PCTP: variants seen among roughly 807,000 people sequenced by gnomAD.
The protein encoded by PCTP is START domain-containing protein 2.
Under a neutral mutation model 31.0 loss-of-function variants are expected in PCTP, and 27 were observed. The ratio of observed to expected loss-of-function variants is 0.87; its 90% CI spans 0.64 to 1.20. PCTP has a LOEUF of 1.20. Among genes scored for constraint, PCTP ranks in the 50% most tolerant of loss-of-function variants. The probability of loss-of-function intolerance (pLI) is 0.00; values close to 1 mark genes in which losing one functional copy is unlikely to be tolerated. For missense variants in PCTP, 287 were observed against 268.2 expected (o/e 1.07, Z -0.49); for synonymous variants, 108 against 101.2 (o/e 1.07, Z -0.40).
intron 3 of PCTP, among the ~76,000 whole-genome samples, chr17:55,809,605 C>A (rs2070539351): frequency 6.6e-6 from 1 of 151,462 alleles, no homozygotes; most frequent in Non-Finnish European, 1.5e-5. Flanking sequence ...TCACTGCAAC[C>A]TCCGCTTCCC....
At chr17:55,780,737 C>CA (rs1911534985), downstream of PCTP, among the ~76,000 whole-genome samples, 2 of 152,198 alleles carry the variant, frequency 1.3e-5, no homozygotes, top group African/African-American at 4.8e-5. Context: ...CCCAGCCACC[C>CA]TTGCAGTAAA....
At chr17:55,799,828 A>G (rs1297037322) in intron 3 of PCTP, among the ~76,000 whole-genome samples, 1 of 152,258 alleles carries the variant, frequency 6.6e-6, no homozygotes, top group Non-Finnish European at 1.5e-5. Context: ...TCCTTCACTT[A>G]TGAAGCTTAG....
chr17:55,810,836 G>A (rs949409173), intron 3 of PCTP, among the ~76,000 whole-genome samples: 14 of 152,190 alleles, frequency 9.2e-5, no homozygotes, highest in Admixed American at 5.9e-4. Flanking sequence ...ACAATAGCTG[G>A]GCAGTGAGAG....
chr17:55,823,436 T>C (rs1374672902), downstream of PCTP, among the ~76,000 whole-genome samples: 1 of 152,238 alleles, frequency 6.6e-6, no homozygotes, highest in Non-Finnish European at 1.5e-5. Context: ...AAGTAGCGAC[T>C]GGGAAGTGCT....
chr17:55,763,634 G>T (rs574362843), intron 1 of PCTP, among the ~76,000 whole-genome samples: 1 of 151,796 alleles, frequency 6.6e-6, no homozygotes, highest in Admixed American at 6.6e-5. Context: ...TGTGATTCCC[G>T]TTTGATAATG....
chr17:55,819,295 C>T (rs1187947658), intron 3 of PCTP, among the ~76,000 whole-genome samples: 2 of 151,972 alleles, frequency 1.3e-5, no homozygotes, highest in African/African-American at 4.8e-5. Flanking sequence ...GTGCTGGAGG[C>T]TTTAGCCAGG....
intron 3 of PCTP, among the ~76,000 whole-genome samples, chr17:55,788,136 G>T (rs1279623788): frequency 6.6e-6 from 1 of 152,118 alleles, no homozygotes; most frequent in Non-Finnish European, 1.5e-5. Context: ...CAAGCAACAG[G>T]TTCCTTATTC....
At chr17:55,759,100 G>A (rs1020632952) in intron 1 of PCTP, among the ~76,000 whole-genome samples, 6 of 152,218 alleles carry the variant, frequency 3.9e-5, no homozygotes, top group African/African-American at 1.4e-4. Context: ...GAGTGAACCA[G>A]CAGGTGAATC....
chr17:55,835,624 C>G (rs1165716992), intron 5 of PCTP, among the ~76,000 whole-genome samples: 2 of 152,152 alleles, frequency 1.3e-5, no homozygotes, highest in Admixed American at 6.5e-5. Context: ...AGTCTCACTT[C>G]AAGAAGAGTT....
At position 55,776,717 on chromosome 17, in the gene PCTP, C is replaced by T; in HGVS notation, c.*617C>T. 2 of 1,199,926 alleles carry T rather than the reference C, an allele frequency of 1.7e-6. No homozygotes were observed. The highest frequency in any genetic ancestry group is 2.1e-6 in the Non-Finnish European group (2 of 968,058). The allele number at this position is 1,199,926 out of a possible 1,614,324, so 74.3% of individuals were successfully genotyped here. A position where few individuals can be genotyped will look rare whatever the true frequency, so the allele number is the denominator to read the frequency against. On this transcript the variant is annotated 3_prime_UTR_variant, in exon 6 of 6. Coordinates refer to ENST00000268896, the MANE Select transcript of PCTP (RefSeq NM_021213.4). ...TTCCTCGTTCCTACTTGTGGAGGAT[C>T]AGTAGCTGTTATGATGCCAGACCAT...
At chr17:55,779,088 G>T (rs1911468489), downstream of PCTP, among the ~76,000 whole-genome samples, 2 of 152,120 alleles carry the variant, frequency 1.3e-5, no homozygotes, top group African/African-American at 4.8e-5. Context: ...ATTTCTAGTG[G>T]CACCACCCAG....
chr17:55,846,888 C>G (rs544263371), downstream of PCTP, among the ~76,000 whole-genome samples: 51 of 152,274 alleles, frequency 3.3e-4, no homozygotes, highest in African/African-American at 1.1e-3. Flanking sequence ...AGTCATTTTT[C>G]CCACTCTTGA....
At chr17:55,791,936 GA>G (rs1297451863) in intron 3 of PCTP, among the ~76,000 whole-genome samples, 1 of 152,018 alleles carries the variant, frequency 6.6e-6, no homozygotes, top group Non-Finnish European at 1.5e-5. Flanking sequence ...ACTGGCTTAG[GA>G]AAATGTGGCA....
At chr17:55,822,362 G>A (rs1372166195) in intron 3 of PCTP, among the ~76,000 whole-genome samples, 1 of 152,144 alleles carries the variant, frequency 6.6e-6, no homozygotes, top group Non-Finnish European at 1.5e-5. Flanking sequence ...ACTGAGTTTG[G>A]CAGAATCAGT....
intron 2 of PCTP, among the ~76,000 whole-genome samples, chr17:55,785,559 T>G (rs1200363015): frequency 6.6e-6 from 1 of 152,248 alleles, no homozygotes; most frequent in East Asian, 1.9e-4. Flanking sequence ...CTCAAATGTT[T>G]TCCTCTCCAA....
intron 1 of PCTP, among the ~76,000 whole-genome samples, chr17:55,762,589 G>A (rs1359556611): frequency 6.6e-6 from 1 of 152,064 alleles, no homozygotes; most frequent in Non-Finnish European, 1.5e-5. Flanking sequence ...GACAAACAGA[G>A]GCATGTTTAT....
intron 3 of PCTP, among the ~76,000 whole-genome samples, chr17:55,798,920 T>G (rs1039041820): frequency 6.6e-5 from 10 of 151,940 alleles, no homozygotes; most frequent in Non-Finnish European, 1.2e-4. Flanking sequence ...AACCCTAGCA[T>G]AAAAGACAGC....
intron 3 of PCTP, among the ~76,000 whole-genome samples, chr17:55,792,213 G>A (rs1320645481): frequency 6.7e-6 from 1 of 148,536 alleles, no homozygotes; most frequent in African/African-American, 2.5e-5. Context: ...GCTAGATGAC[G>A]AGTTAGTGGG....
chr17:55,775,289 T>A (rs1299860642), intron 5 of PCTP: 1 of 1,235,778 alleles, frequency 8.1e-7, no homozygotes, highest in Non-Finnish European at 1.0e-6. Context: ...TGCCCTTTTT[T>A]TTTTTTCTTT....
Sources: gnomAD v4.1 joint callset for allele counts (sites outside exome capture counted in the v4.1 genomes callset) on GRCh38, gnomAD v4.1.1 for gene constraint, MANE v1.5 for transcripts, NCBI Gene and HGNC (gene_info 2026-07-23, HGNC 2026-07-21) for gene names.